ZFYVE16: variants seen among roughly 807,000 people sequenced by gnomAD.
ZFYVE16 encodes the protein zinc finger FYVE domain-containing protein 16.
A neutral mutation model predicts 138.1 loss-of-function variants in ZFYVE16; 89 were observed. The observed-to-expected ratio is 0.64, with a 90% CI of 0.54 to 0.77. ZFYVE16 has a LOEUF of 0.77. ZFYVE16 is among the 30% of genes least tolerant of loss of function. The pLI is 0.00. For synonymous variants in ZFYVE16, 596 were observed against 618.3 expected (o/e 0.96, Z 0.53); for missense variants, 1,793 against 1,786.7 (o/e 1.00, Z -0.06).
intron 1 of ZFYVE16, among the ~76,000 whole-genome samples, chr5:80,416,720 A>T (rs1017141479): frequency 6.6e-6 from 1 of 151,974 alleles, no homozygotes; most frequent in East Asian, 1.9e-4. Context: ...GCATTACAAG[A>T]TGCTCTGTGC....
At chr5:80,459,219 C>T (rs249015) in intron 14 of ZFYVE16, among the ~76,000 whole-genome samples, 195 bp from the exon 15 acceptor site, 118,322 of 152,228 alleles carry the variant, frequency 0.78, 49,114 homozygotes, top group East Asian at 0.92. Flanking sequence ...TGAGCCACCG[C>T]GCCCAGCCGC....
In ZFYVE16 at chr5:80,460,389, C is replaced by T. The variant is rs995261675; in HGVS notation, c.4024+895C>T. Among the ~76,000 whole-genome samples, 12 of 152,124 alleles carry T rather than the reference C, an allele frequency of 7.9e-5. No individual in the cohort carries two copies. The South Asian group carries it at 1.9e-3, about 24-fold the overall frequency. On this transcript the variant is annotated intron_variant, in intron 15 of 18. Transcript: ENST00000505560. ...TATGTATTTTATATTCCTCCTCTCC[C>T]GTTTTTAGTGTCTTTTAAATAGAAG...
chr5:80,411,861 T>C (rs998857226), intron 1 of ZFYVE16: 2 of 152,262 alleles, frequency 1.3e-5, no homozygotes, highest in African/African-American at 4.8e-5. Context: ...GGCACCACCA[T>C]CTACCCTAGC....
At chr5:80,429,750 G>C (rs758759760) in intron 2 of ZFYVE16, among the ~76,000 whole-genome samples, 1 of 152,080 alleles carries the variant, frequency 6.6e-6, no homozygotes, top group Non-Finnish European at 1.5e-5. Context: ...TAAAGGGATG[G>C]AAAAAGATAT....
intron 5 of ZFYVE16, chr5:80,441,176 C>A (rs777203288): frequency 9.3e-5 from 92 of 985,226 alleles, no homozygotes; most frequent in Non-Finnish European, 1.0e-4. Flanking sequence ...GAGCAAGCTC[C>A]CATATAATTA....
chr5:80,422,147 G>C (rs988286840), intron 1 of ZFYVE16, among the ~76,000 whole-genome samples: 1 of 152,118 alleles, frequency 6.6e-6, no homozygotes, highest in Non-Finnish European at 1.5e-5. Flanking sequence ...CCTTAATTTT[G>C]TATCCTGAGA....
chr5:80,418,032 A>G (rs898343678), intron 1 of ZFYVE16, among the ~76,000 whole-genome samples: 7 of 152,224 alleles, frequency 4.6e-5, no homozygotes, highest in African/African-American at 1.4e-4. Context: ...AGTTCCCTAA[A>G]GACAAATGAT....
chr5:80,472,556 T>G (rs1339779505), intron 15 of ZFYVE16, among the ~76,000 whole-genome samples: 1 of 112,086 alleles, frequency 8.9e-6, no homozygotes, highest in Admixed American at 1.1e-4. Flanking sequence ...AAGCAGAAAT[T>G]CTCTTTGTTT....
chr5:80,469,409 T>TAA (rs928952315), intron 15 of ZFYVE16, among the ~76,000 whole-genome samples: 1 of 147,232 alleles, frequency 6.8e-6, no homozygotes, highest in African/African-American at 2.5e-5. Flanking sequence ...CTTGGCTAAT[T>TAA]AAAAAAAAAA....
At chr5:80,419,681 C>CT (rs1159857678) in intron 1 of ZFYVE16, among the ~76,000 whole-genome samples, 1 of 150,224 alleles carries the variant, frequency 6.7e-6, no homozygotes, top group Non-Finnish European at 1.5e-5. Flanking sequence ...CTGGCTGATT[C>CT]TTTCTCTTTT....
intron 3 of ZFYVE16, 60 bp downstream of exon 3, chr5:80,434,277 T>C: frequency 1.3e-6 from 2 of 1,568,408 alleles, no homozygotes; most frequent in Non-Finnish European, 1.8e-6. Context: ...AATTAAGTTA[T>C]CTCAGGTATA....
chr5:80,481,005 C>T lies in ZFYVE16; in HGVS notation c.*3628C>T, dbSNP rs1755248520. Among the ~76,000 whole-genome samples the T allele has an allele frequency of 6.6e-6, 1 of 152,046 alleles. No individual in the cohort carries two copies. The highest frequency in any genetic ancestry group is 6.6e-5 in the Admixed American group (1 of 15,260). On this transcript the variant is annotated 3_prime_UTR_variant, in exon 19 of 19. Transcript: ENST00000505560. ...CAATTTGCTGTTTCTAGTCAGAGGACCAGAAAGGAGGTTGGAGGCTATGGG... is the reference window on the plus strand; with the variant it reads ...CAATTTGCTGTTTCTAGTCAGAGGATCAGAAAGGAGGTTGGAGGCTATGGG...
intron 15 of ZFYVE16, among the ~76,000 whole-genome samples, chr5:80,467,263 G>A (rs1161150307): frequency 6.6e-6 from 1 of 152,212 alleles, no homozygotes; most frequent in Non-Finnish European, 1.5e-5. Context: ...ATGCTTTGTC[G>A]GTAAGGGGTC....
chr5:80,446,095 C>T (rs1402094125), intron 7 of ZFYVE16, among the ~76,000 whole-genome samples: 4 of 150,450 alleles, frequency 2.7e-5, no homozygotes, highest in East Asian at 2.0e-4. Flanking sequence ...GAGGTTTCAC[C>T]GTGTTGGCCA....
Position 80,456,495 on chromosome 5 carries a change from T to C in ZFYVE16, c.3725T>C (p.Ile1242Thr). The change falls in exon 13 of 19, where the codon ATA (isoleucine) becomes ACA (threonine). Residue 1242 changes from isoleucine (I) to threonine (T), a missense_variant. Ile to Thr is a moderately conservative substitution (Grantham distance 89, BLOSUM62 -1). Transcript: ENST00000505560. Reference protein sequence around the residue: ...LRNYQYTLHNIDQLLIHMEMG... With the variant: ...LRNYQYTLHNTDQLLIHMEMG... Reference sequence around the variant, plus strand: ...AATTACCAGTATACCTTGCATAATATAGATCAACTGTTGATTCATATGGAA... The same window carrying C: ...AATTACCAGTATACCTTGCATAATACAGATCAACTGTTGATTCATATGGAA... 1 of 1,613,170 alleles carries C rather than the reference T, an allele frequency of 6.2e-7. No individual in the cohort carries two copies. The highest frequency in any genetic ancestry group is 8.5e-7 in the Non-Finnish European group (1 of 1,179,508).
chr5:80,470,439 A>G (rs1172441843), intron 15 of ZFYVE16, among the ~76,000 whole-genome samples: 1 of 152,038 alleles, frequency 6.6e-6, no homozygotes, highest in Non-Finnish European at 1.5e-5. Context: ...TAAAATTTTT[A>G]TATGCTTAAT....
At position 80,457,012 on chromosome 5, in the gene ZFYVE16, C is replaced by G. The variant is rs749029318; in HGVS notation, c.3863C>G (p.Ala1288Gly). 9 of 1,612,424 alleles carry G rather than the reference C, an allele frequency of 5.6e-6. No homozygotes were observed. In the African/African-American group the frequency reaches 8.0e-5, roughly 14 times the overall value. ...ATTGGAGCAAGTTTCAGTACAGAAG[C>G]AGATTCTCATCTAGTCTGTATACAG... ...ISIGASFSTE[A>G]DSHLVCIQND... The change falls in exon 14 of 19, where the codon GCA (alanine) becomes GGA (glycine). Residue 1288 changes from alanine (A) to glycine (G), a missense_variant. Transcript: ENST00000505560.
chr5:80,446,003 C>T (rs1266555449), intron 7 of ZFYVE16, among the ~76,000 whole-genome samples: 2 of 150,490 alleles, frequency 1.3e-5, no homozygotes, highest in Non-Finnish European at 2.9e-5. Flanking sequence ...TCAAGTGATT[C>T]TCCTGCCTCA....
At position 80,481,891 on chromosome 5, in the gene ZFYVE16, C is replaced by T. The variant is rs1304030871; in HGVS notation, c.*4514C>T. On this transcript the variant is annotated 3_prime_UTR_variant, in exon 19 of 19. Transcript: ENST00000505560. ...CTAGAGTGCAGTGATACAATCTTGG[C>T]TCACTGCAACCTCCACCCCCAGGGT... Among the ~76,000 whole-genome samples the T allele has an allele frequency of 1.3e-5, 2 of 152,176 alleles. No individual in the cohort carries two copies. Among genetic ancestry groups the T allele is most frequent in the Non-Finnish European group, 2.9e-5 (2 of 68,036 alleles).
Sources: gnomAD v4.1 joint callset for allele counts (sites outside exome capture counted in the v4.1 genomes callset) on GRCh38, gnomAD v4.1.1 for gene constraint, MANE v1.5 for transcripts, NCBI Gene and HGNC (gene_info 2026-07-23, HGNC 2026-07-21) for gene names.